The following INSYN2B variants were observed in gnomAD, a reference collection of about 807,000 sequenced individuals.
INSYN2B encodes inhibitory synaptic factor family member 2B.
In INSYN2B, 16 loss-of-function variants were observed where a neutral mutation model predicts 41.2. That is an observed-to-expected ratio of 0.39 (90% CI 0.26 to 0.59). INSYN2B has a LOEUF of 0.59. Among genes scored for constraint, INSYN2B ranks in the 20% least tolerant of loss-of-function variants. The pLI, the probability that INSYN2B is intolerant of heterozygous loss-of-function variation, is 0.57. For synonymous variants in INSYN2B, 245 were observed against 244.4 expected (o/e 1.00, Z -0.02); for missense variants, 608 against 646.4 (o/e 0.94, Z 0.64).
At chr5:169,878,399 A>G (rs1772450584) in intron 3 of INSYN2B, among the ~76,000 whole-genome samples, 1 of 152,258 alleles carries the variant, frequency 6.6e-6, no homozygotes, top group Non-Finnish European at 1.5e-5. Context: ...TCACTTTTGG[A>G]AATGCAGACC....
At chr5:169,875,228 A>G (rs1299980770) in intron 3 of INSYN2B, 1 of 456,620 alleles carries the variant, frequency 2.2e-6, no homozygotes, top group Non-Finnish European at 4.4e-6. Flanking sequence ...ATTCCCAGGG[A>G]GCTTGCTGCA....
At chr5:169,943,363 T>C (rs1322021340) in intron 1 of INSYN2B, among the ~76,000 whole-genome samples, 1 of 152,156 alleles carries the variant, frequency 6.6e-6, no homozygotes, top group South Asian at 2.1e-4. Context: ...CAGGCAATAC[T>C]TAGGTCCTGG....
chr5:169,947,835 G>A (rs1203045333), intron 1 of INSYN2B, among the ~76,000 whole-genome samples: 1 of 151,318 alleles, frequency 6.6e-6, no homozygotes, highest in African/African-American at 2.4e-5. Flanking sequence ...AATACATACA[G>A]CATAAATACC....
chr5:169,872,203 A>G (rs1772021598), intron 3 of INSYN2B, among the ~76,000 whole-genome samples: 1 of 152,306 alleles, frequency 6.6e-6, no homozygotes, highest in East Asian at 1.9e-4. Flanking sequence ...CAGGTGCACC[A>G]CTGATTTACT....
At chr5:169,919,377 A>G (rs561065219) in intron 1 of INSYN2B, among the ~76,000 whole-genome samples, 26 of 152,220 alleles carry the variant, frequency 1.7e-4, no homozygotes, top group Non-Finnish European at 2.8e-4. Flanking sequence ...ATAGATGGAA[A>G]TAAATGGCTG....
intron 1 of INSYN2B, among the ~76,000 whole-genome samples, chr5:169,937,717 CT>C (rs1776054763): frequency 6.6e-6 from 1 of 152,178 alleles, no homozygotes; most frequent in African/African-American, 2.4e-5. Context: ...TTTAGTAACA[CT>C]TTTGCCCAGT....
At chr5:169,935,193 G>A (rs892590868) in intron 1 of INSYN2B, among the ~76,000 whole-genome samples, 4 of 152,228 alleles carry the variant, frequency 2.6e-5, no homozygotes, top group African/African-American at 9.6e-5. Context: ...AGTCTGCAGA[G>A]CAGCATGCCA....
chr5:169,899,199 G>A (rs1365194206), intron 1 of INSYN2B, among the ~76,000 whole-genome samples: 1 of 152,202 alleles, frequency 6.6e-6, no homozygotes, highest in Admixed American at 6.5e-5. Context: ...CAAGGTGGCT[G>A]CTGAAGTGAA....
intron 3 of INSYN2B, among the ~76,000 whole-genome samples, chr5:169,864,792 C>G (rs952551102): frequency 1.3e-5 from 2 of 152,118 alleles, no homozygotes; most frequent in African/African-American, 4.8e-5. Context: ...TGAAAACTGT[C>G]TCATTATTAA....
intron 1 of INSYN2B, among the ~76,000 whole-genome samples, chr5:169,912,683 T>C (rs1010176333): frequency 6.6e-6 from 1 of 152,046 alleles, no homozygotes; most frequent in Admixed American, 6.6e-5. Context: ...ATTATACCCA[T>C]AATGTATGAA....
rs950665666 is a variant in INSYN2B at position 169,883,712 on chromosome 5, C to A, written c.187G>T (p.Ala63Ser). The change falls in exon 2 of 4, where the codon GCT (alanine) becomes TCT (serine). Residue 63 changes from alanine to serine, a missense_variant. Ala to Ser is a moderately conservative substitution (Grantham distance 99). Coordinates refer to ENST00000377365, the MANE Select transcript of INSYN2B (RefSeq NM_001129891.3). ...GTTGCTTGAGTCTTCCCCATCACAG[C>A]CGGGTCTTCTGGAGTTTGGACGTCA... ...EVDVQTPEDP[A>S]VMGKTQATRH... The A allele has an allele frequency of 1.9e-6, 3 of 1,551,284 alleles. No homozygotes were observed. Among genetic ancestry groups the A allele is most frequent in the African/African-American group, 1.4e-5 (1 of 73,022 alleles).
intron 1 of INSYN2B, among the ~76,000 whole-genome samples, chr5:169,969,733 G>GA (rs1777432963): frequency 6.6e-6 from 1 of 151,886 alleles, no homozygotes; most frequent in South Asian, 2.1e-4. Context: ...GGTTACCTAG[G>GA]ACTGAGGGGT....
At chr5:169,867,443 A>G (rs375738663) in intron 3 of INSYN2B, among the ~76,000 whole-genome samples, 8 of 145,372 alleles carry the variant, frequency 5.5e-5, no homozygotes, top group Non-Finnish European at 1.1e-4. Context: ...CTGTCTATCT[A>G]TCTATCTGTC....
intron 1 of INSYN2B, among the ~76,000 whole-genome samples, chr5:169,941,533 C>T (rs556608291): frequency 5.3e-5 from 8 of 152,094 alleles, no homozygotes; most frequent in Admixed American, 2.6e-4. Context: ...GGCCTGTGGG[C>T]TAGAAAGGAG....
rs1771363583 is a variant in INSYN2B, at chr5:169,863,870, T to G, written c.*403A>C. On this transcript the variant is annotated 3_prime_UTR_variant, in exon 4 of 4. Coordinates refer to ENST00000377365, the MANE Select transcript of INSYN2B (RefSeq NM_001129891.3). ...CTATAACCTCCCTCTACCTTCCGGG[T>G]CTGCACAACACTATTTTTTTCTTTT... Among the ~76,000 whole-genome samples, 1 of 152,192 alleles carries G rather than the reference T, an allele frequency of 6.6e-6. No individual in the cohort carries two copies. The highest frequency in any genetic ancestry group is 2.4e-5 in the African/African-American group (1 of 41,446).
chr5:169,978,857 A>G (rs1433277522), intron 1 of INSYN2B, among the ~76,000 whole-genome samples: 1 of 152,164 alleles, frequency 6.6e-6, no homozygotes, highest in Non-Finnish European at 1.5e-5. Flanking sequence ...ACCTAGTTTC[A>G]AACCGTGTCT....
chr5:169,966,617 C>T (rs1301841462), intron 1 of INSYN2B, among the ~76,000 whole-genome samples: 3 of 152,166 alleles, frequency 2.0e-5, no homozygotes, highest in South Asian at 4.1e-4. Context: ...GACCTGGCTC[C>T]ATACCCTTAT....
chr5:169,901,502 T>C lies in INSYN2B; in HGVS notation c.-918-16686A>G, dbSNP rs76878935. Among the ~76,000 whole-genome samples the C allele has an allele frequency of 8.0e-3, 1,224 of 152,286 alleles. 16 individuals carry two copies. Among genetic ancestry groups the C allele is most frequent in the African/African-American group, 0.028 (1,162 of 41,542 alleles). ...CACGTTTGCATTTTAAAATGATTTT[T>C]CTGGTTTTTCTGAGAAAATGGACTG... On this transcript the variant is annotated intron_variant, in intron 1 of 3. Transcript: ENST00000377365.
At chr5:169,947,533 G>A (rs368791697) in intron 1 of INSYN2B, among the ~76,000 whole-genome samples, 158 of 152,310 alleles carry the variant, frequency 1.0e-3, no homozygotes, top group African/African-American at 3.7e-3. Context: ...CAGATTGACC[G>A]AGTGAGGGTT....
Sources: allele counts gnomAD v4.1 joint callset (sites outside exome capture counted in the v4.1 genomes callset), GRCh38; gene constraint gnomAD v4.1.1; transcripts MANE v1.5; gene names NCBI Gene and HGNC (gene_info 2026-07-23, HGNC 2026-07-21).